Variants in TMX3 observed in about 807,000 individuals in gnomAD.
TMX3 encodes protein disulfide-isomerase TMX3.
In TMX3, 40 loss-of-function variants were observed where a neutral mutation model predicts 64.4. That is an observed-to-expected ratio of 0.62 (90% CI 0.48 to 0.81). The LOEUF is 0.81. Among genes scored for constraint, TMX3 ranks in the 30% least tolerant of loss-of-function variants. The probability of loss-of-function intolerance (pLI) is 0.00; values close to 1 mark genes in which losing one functional copy is unlikely to be tolerated. For synonymous variants in TMX3, 189 were observed against 175.7 expected (o/e 1.08, Z -0.60); for missense variants, 497 against 534.5 (o/e 0.93, Z 0.69).
intron 6 of TMX3, among the ~76,000 whole-genome samples, chr18:68,698,592 C>G (rs925943869): frequency 2.0e-5 from 3 of 152,058 alleles, no homozygotes; most frequent in African/African-American, 7.2e-5. Flanking sequence ...AAATGATAGT[C>G]ATAGCACTAC....
intron 1 of TMX3, 86 bp downstream of exon 1, chr18:68,714,850 G>A: frequency 2.6e-6 from 4 of 1,523,228 alleles, no homozygotes; most frequent in Non-Finnish European, 3.5e-6. Flanking sequence ...CGCAGGCCTC[G>A]CCCCAGACCC....
chr18:68,677,252 T>C, intron 15 of TMX3, 59 bp from the exon 16 acceptor site: 4 of 1,526,916 alleles, frequency 2.6e-6, no homozygotes, highest in Non-Finnish European at 3.5e-6. Context: ...ATATATAGCA[T>C]GAAATGAACT....
rs760717188 is a variant in TMX3 at position 68,676,975 on chromosome 18, T to G, written c.1323A>C (p.Thr441=). 8.1e-6 allele frequency: 13 copies of G among 1,613,736 alleles called. No homozygotes were observed. The highest frequency in any genetic ancestry group is 8.5e-6 in the Non-Finnish European group (10 of 1,179,824). ...EPSSGGSVVP[T]VQEPKDVLEK... ...CTAATACATCCTTGGGCTCCTGCAC[T>G]GTAGGCACTACAGATCCTCCACTGC... The change falls in exon 16 of 16, where the codon ACA becomes ACC. Residue 441 remains threonine (T), a synonymous_variant. Coordinates refer to ENST00000299608, the MANE Select transcript of TMX3 (RefSeq NM_019022.5).
At chr18:68,700,875 C>T in intron 5 of TMX3, 1 of 801,326 alleles carries the variant, frequency 1.2e-6, no homozygotes, top group Non-Finnish European at 1.4e-6. Context: ...AGAGGCAAAA[C>T]AAATGTTAAG....
chr18:68,691,152 A>C (rs980812504), intron 9 of TMX3, 143 bp downstream of exon 9: 18 of 466,076 alleles, frequency 3.9e-5, no homozygotes, highest in South Asian at 1.7e-4. Flanking sequence ...GTGAAAAAAA[A>C]CCCAAAACAT....
chr18:68,709,920 T>C, intron 4 of TMX3, 101 bp downstream of exon 4: 2 of 1,168,616 alleles, frequency 1.7e-6, no homozygotes, highest in Non-Finnish European at 2.3e-6. Context: ...TAATTGAATT[T>C]TACATGAGCA....
chr18:68,714,792 G>A (rs928341076), intron 1 of TMX3, 144 bp downstream of exon 1: 153 of 1,158,258 alleles, frequency 1.3e-4, no homozygotes, highest in Non-Finnish European at 1.7e-4. Flanking sequence ...GTGGCGCGGC[G>A]GGGGCGGCAG....
In TMX3 at chr18:68,687,743, T is replaced by G; in HGVS notation, c.660A>C (p.Ser220=). Residue 220 remains serine (S), a synonymous_variant, in exon 10 of 16, where the codon TCA becomes TCC. Transcript: ENST00000299608. ...VYDEYEDGDL[S]SWINRERFQN... ...GAAACCTTTCCCTGTTGATCCATGA[T>G]GACAGATCACCATCTTCATACTCTT... The G allele has an allele frequency of 6.2e-7, 1 of 1,611,728 alleles. No homozygotes were observed. The highest frequency in any genetic ancestry group is 8.5e-7 in the Non-Finnish European group (1 of 1,179,058).
chr18:68,697,877 T>C (rs1915254256), intron 7 of TMX3, 55 bp downstream of exon 7: 11 of 1,125,054 alleles, frequency 9.8e-6, no homozygotes, highest in East Asian at 4.8e-5. Context: ...GTCTTGATTA[T>C]AGAGTAAATT....
In TMX3 at chr18:68,712,233, A is replaced by G. The variant is rs76686435; in HGVS notation, c.102-830T>C. Among the ~76,000 whole-genome samples the G allele has an allele frequency of 3.0e-3, 455 of 152,326 alleles. 4 individuals carry two copies. The East Asian group carries it at 0.033, about 11-fold the overall frequency. On this transcript the variant is annotated intron_variant, in intron 2 of 15. Transcript: ENST00000299608. ...CATGTCAGCTGCAATCAGGAGCCAC[A>G]GGAACATTACAGACAGAATGAGAGG... is the stretch of plus-strand genomic sequence containing the variant.
rs8083081 is a variant in TMX3 at position 68,711,427 on chromosome 18, T to G, written c.102-24A>C. 6 of 1,554,014 alleles carry G rather than the reference T, an allele frequency of 3.9e-6. No individual in the cohort carries two copies. In the Admixed American group the frequency reaches 8.8e-5, roughly 23 times the overall value. ...ACCTAAAAAACAAGAAAACAAATGTTTGATTGTATGTTTGTGTCCACTTTA... is the reference window on the plus strand; with the variant it reads ...ACCTAAAAAACAAGAAAACAAATGTGTGATTGTATGTTTGTGTCCACTTTA... On this transcript the variant is annotated intron_variant, in intron 2 of 15. Transcript: ENST00000299608.
chr18:68,687,352 C>T, intron 10 of TMX3: 1 of 985,362 alleles, frequency 1.0e-6, no homozygotes, highest in Non-Finnish European at 1.2e-6. Context: ...TTTATTTTAA[C>T]TCCTATTACA....
intron 4 of TMX3, among the ~76,000 whole-genome samples, chr18:68,706,584 C>A (rs1261662713): frequency 6.6e-6 from 1 of 152,162 alleles, no homozygotes; most frequent in East Asian, 1.9e-4. Flanking sequence ...TGCAGGTCGT[C>A]TACAGATTAC....
chr18:68,704,834 G>A (rs1315596509), intron 4 of TMX3, among the ~76,000 whole-genome samples: 1 of 152,136 alleles, frequency 6.6e-6, no homozygotes, highest in Non-Finnish European at 1.5e-5. Context: ...GTAGGAATGT[G>A]AATCATGGTG....
chr18:68,709,064 G>A (rs1019907448), intron 4 of TMX3, among the ~76,000 whole-genome samples: 9 of 152,014 alleles, frequency 5.9e-5, no homozygotes, highest in African/African-American at 2.2e-4. Context: ...AGAAACTGCA[G>A]GTATTGAATA....
chr18:68,694,598 G>A lies in TMX3; in HGVS notation c.570+2628C>T, dbSNP rs572817871. Among the ~76,000 whole-genome samples, 13 of 152,260 alleles carry A rather than the reference G, an allele frequency of 8.5e-5. No homozygotes were observed. In the South Asian group the frequency reaches 2.7e-3, roughly 32 times the overall value. The stretch of plus-strand genomic sequence containing the variant: ...CTGCCAGGCTGAGTGGGTAGAATAA[G>A]CCCAGTGGGCGCAAGCAAAACCCAA... On this transcript the variant is annotated intron_variant, in intron 8 of 15. Transcript: ENST00000299608.
chr18:68,697,552 T>A (rs151041205), intron 7 of TMX3: 1 of 352,732 alleles, frequency 2.8e-6, no homozygotes, highest in African/African-American at 2.1e-5. Context: ...TCAATTTGTA[T>A]GTATTCATTT....
At chr18:68,699,486 C>T (rs1472722515) in intron 6 of TMX3, among the ~76,000 whole-genome samples, 2 of 152,114 alleles carry the variant, frequency 1.3e-5, no homozygotes, top group African/African-American at 4.8e-5. Flanking sequence ...TTAGTAAGCA[C>T]CACAAACTTT....
chr18:68,701,700 T>TG lies in TMX3; in HGVS notation c.311+44dup. The TG allele has an allele frequency of 2.5e-6, 4 of 1,609,156 alleles. No individual in the cohort carries two copies. The East Asian group carries it at 9.0e-5, about 36-fold the overall frequency. On this transcript the variant is annotated intron_variant, in intron 5 of 15. Transcript: ENST00000299608. Reference sequence around the variant, plus strand: ...TTAACGTAATAAAATGTAAGTAGAGTGAACTAATAAAAATACACATATAAA... The same window carrying TG: ...TTAACGTAATAAAATGTAAGTAGAGTGGAACTAATAAAAATACACATATAAA...
Sources: allele counts gnomAD v4.1 joint callset (sites outside exome capture counted in the v4.1 genomes callset), GRCh38; gene constraint gnomAD v4.1.1; transcripts MANE v1.5; gene names NCBI Gene and HGNC (gene_info 2026-07-23, HGNC 2026-07-21).